PLCB1: variants seen among roughly 807,000 people sequenced by gnomAD.
PLCB1 encodes 1-phosphatidylinositol 4,5-bisphosphate phosphodiesterase beta-1.
PLCB1 carries 46 observed loss-of-function variants against 161.8 expected under a neutral mutation model. The ratio of observed to expected loss-of-function variants is 0.28; its 90% CI spans 0.22 to 0.36. PLCB1 has a LOEUF of 0.36. Ranked by LOEUF, PLCB1 falls within the 10% of genes least tolerant of loss-of-function variation. The pLI, the probability that PLCB1 is intolerant of heterozygous loss-of-function variation, is 1.00. For missense variants in PLCB1, 1,016 were observed against 1,472.5 expected (o/e 0.69, Z 5.07); for synonymous variants, 517 against 503.7 (o/e 1.03, Z -0.35).
At chr20:8,281,673 C>T (rs1398658714) in intron 2 of PLCB1, among the ~76,000 whole-genome samples, 1 of 152,116 alleles carries the variant, frequency 6.6e-6, no homozygotes, top group Non-Finnish European at 1.5e-5. Flanking sequence ...GGTATGGTTG[C>T]ATTGCCTTTT....
chr20:8,596,915 G>T (rs1481719933), intron 3 of PLCB1, among the ~76,000 whole-genome samples: 2 of 152,416 alleles, frequency 1.3e-5, no homozygotes, highest in South Asian at 2.1e-4. Flanking sequence ...TCTGTTGTTG[G>T]TGTATAAGAA....
chr20:8,230,056 C>CAAAAAAAA (rs547874616), intron 2 of PLCB1, among the ~76,000 whole-genome samples: 71 of 58,862 alleles, frequency 1.2e-3, no homozygotes, highest in Non-Finnish European at 1.4e-3. Context: ...GACTTGGCAG[C>CAAAAAAAA]AAAAAAAAAA....
Position 8,730,086 on chromosome 20 carries a change from T to C in PLCB1, c.1888+912T>C, listed in dbSNP as rs1980154582. On this transcript the variant is annotated intron_variant, in intron 18 of 31. Coordinates refer to ENST00000338037, the MANE Select transcript of PLCB1 (RefSeq NM_015192.4). ...GGACTATCGTCAATTTTCTTGTTGATTTATAACAGCACTTTTTATTTAAAG... is the reference window on the plus strand; with the variant it reads ...GGACTATCGTCAATTTTCTTGTTGACTTATAACAGCACTTTTTATTTAAAG... Among the ~76,000 whole-genome samples the C allele has an allele frequency of 2.0e-5, 3 of 151,872 alleles. No homozygotes were observed. The South Asian group carries it at 6.2e-4, about 31-fold the overall frequency.
chr20:8,881,184 G>A (rs1987967828), intron 31 of PLCB1, among the ~76,000 whole-genome samples: 1 of 151,924 alleles, frequency 6.6e-6, no homozygotes. Flanking sequence ...TATTTTAGTA[G>A]AGATGGAGTT....
intron 16 of PLCB1, 36 bp from the exon 17 acceptor site, chr20:8,727,273 C>T (rs763028525): frequency 4.0e-6 from 4 of 1,000,642 alleles, no homozygotes; most frequent in East Asian, 2.4e-5. Flanking sequence ...GTATTTCTCA[C>T]CTTCCCCTTT....
In PLCB1 at chr20:8,729,052, A is replaced by G; in HGVS notation, c.1766A>G (p.Tyr589Cys). 6.2e-7 allele frequency: 1 copy of G among 1,605,718 alleles called. No individual in the cohort carries two copies. The change falls in exon 18 of 32, where the codon TAT (tyrosine) becomes TGT (cysteine). Residue 589 changes from tyrosine to cysteine, a missense_variant and splice_region_variant. Tyr to Cys is a radical substitution (Grantham distance 194). Coordinates refer to ENST00000338037, the MANE Select transcript of PLCB1 (RefSeq NM_015192.4). ...CACTACTTAACATGATGGTCCAGAT[A>G]TAACAAAATGCAGCTTAGCAGGATA... ...LTKSPVEFVE[Y>C]NKMQLSRIYP...
intron 11 of PLCB1, among the ~76,000 whole-genome samples, chr20:8,698,037 T>C (rs1990619183): frequency 6.6e-6 from 1 of 152,266 alleles, no homozygotes. Context: ...TTGTCCTCTT[T>C]AGCACTCTTA....
At chr20:8,769,815 CT>C (rs1384074768) in intron 26 of PLCB1, among the ~76,000 whole-genome samples, 2 of 152,120 alleles carry the variant, frequency 1.3e-5, no homozygotes, top group African/African-American at 4.8e-5. Flanking sequence ...GAATAATCTT[CT>C]TTTGATGCCA....
rs1989526662 is a variant in PLCB1 at position 8,658,447 on chromosome 20, A to G, written c.696-91A>G. The stretch of plus-strand genomic sequence containing the variant: ...TCAATATAGCATTTTCTTATCAAGT[A>G]TAAGATTTTATTTCCCTAGAGTTAA... On this transcript the variant is annotated intron_variant, in intron 8 of 31. Coordinates refer to ENST00000338037, the MANE Select transcript of PLCB1 (RefSeq NM_015192.4). 5 of 983,276 alleles carry G rather than the reference A, an allele frequency of 5.1e-6. No homozygotes were observed. In the East Asian group the frequency reaches 7.5e-5, roughly 15 times the overall value. 60.9% of individuals were successfully genotyped at this position (983,276 alleles called of 1,614,324 possible). A position where few individuals can be genotyped will look rare whatever the true frequency, so the allele number is the denominator to read the frequency against.
chr20:8,463,229 G>C (rs954077249), intron 3 of PLCB1, among the ~76,000 whole-genome samples: 16 of 150,052 alleles, frequency 1.1e-4, no homozygotes, highest in African/African-American at 3.9e-4. Flanking sequence ...ATATATTGAA[G>C]ATATGCTAAA....
intron 3 of PLCB1, among the ~76,000 whole-genome samples, chr20:8,587,984 C>A (rs946053464): frequency 6.6e-6 from 1 of 152,154 alleles, no homozygotes; most frequent in Non-Finnish European, 1.5e-5. Flanking sequence ...AAATAAAAAA[C>A]TTGTGAAACC....
chr20:8,270,163 A>C (rs1054177467), intron 2 of PLCB1, among the ~76,000 whole-genome samples: 3 of 152,152 alleles, frequency 2.0e-5, no homozygotes, highest in African/African-American at 7.2e-5. Context: ...GATGTTGCAT[A>C]GCACTGTGAC....
rs947971484 is a variant in PLCB1, at chr20:8,775,002, A to C, written c.3111+283A>C. ...TATAATTGCTTTTGGGAATCTTTGA[A>C]ATCTCATAAGCAAATAGAAAACACT... On this transcript the variant is annotated intron_variant, in intron 27 of 31. Transcript: ENST00000338037. Among the ~76,000 whole-genome samples, 7 of 151,006 alleles carry C rather than the reference A, an allele frequency of 4.6e-5. No homozygotes were observed. In the East Asian group the frequency reaches 1.4e-3, roughly 29 times the overall value.
chr20:8,463,842 A>AT (rs1981696259), intron 3 of PLCB1, among the ~76,000 whole-genome samples: 3 of 152,274 alleles, frequency 2.0e-5, no homozygotes, highest in South Asian at 4.1e-4. Context: ...CACATTAGAC[A>AT]TTTTTACTAC....
chr20:8,474,369 C>G (rs141208098), intron 3 of PLCB1, among the ~76,000 whole-genome samples: 2 of 152,190 alleles, frequency 1.3e-5, no homozygotes, highest in South Asian at 4.2e-4. Context: ...GACATTTGAG[C>G]AGAGGCTGAA....
At chr20:8,852,535 C>G (rs879820359) in intron 31 of PLCB1, among the ~76,000 whole-genome samples, 3 of 152,198 alleles carry the variant, frequency 2.0e-5, no homozygotes, top group Non-Finnish European at 4.4e-5. Context: ...GAAATCTGCT[C>G]TTCTAACCTT....
intron 3 of PLCB1, among the ~76,000 whole-genome samples, chr20:8,392,806 C>T (rs1160426055): frequency 1.3e-5 from 2 of 151,990 alleles, no homozygotes. Flanking sequence ...TTCAATGTAC[C>T]ATAAAAAAGT....
At chr20:8,701,883 T>C (rs1191271641) in intron 11 of PLCB1, among the ~76,000 whole-genome samples, 12 of 152,214 alleles carry the variant, frequency 7.9e-5, no homozygotes. Flanking sequence ...GGGAAAACAT[T>C]CCCCCAACAT....
intron 31 of PLCB1, among the ~76,000 whole-genome samples, chr20:8,852,073 T>A (rs1340487021): frequency 6.6e-6 from 1 of 152,216 alleles, no homozygotes; most frequent in Admixed American, 6.5e-5. Flanking sequence ...ACTGTATGAC[T>A]GTTTATATAA....
Sources: gnomAD v4.1 joint callset for allele counts (sites outside exome capture counted in the v4.1 genomes callset) on GRCh38, gnomAD v4.1.1 for gene constraint, MANE v1.5 for transcripts, NCBI Gene and HGNC (gene_info 2026-07-23, HGNC 2026-07-21) for gene names.